ST3GAL2: variants seen among roughly 807,000 people sequenced by gnomAD.
ST3GAL2 encodes CMP-N-acetylneuraminate-beta-galactosamide-alpha-2,3-sialyltransferase 2.
In ST3GAL2, 16 loss-of-function variants were observed where a neutral mutation model predicts 37.5. The ratio of observed to expected loss-of-function variants is 0.43; its 90% confidence interval spans 0.29 to 0.65. The LOEUF (loss-of-function observed/expected upper bound fraction) is 0.65, where lower values mean the gene tolerates loss of function less well. Among genes scored for constraint, ST3GAL2 ranks in the 30% least tolerant of loss-of-function variants. The pLI is 0.17. For missense variants in ST3GAL2, 383 were observed against 487.8 expected (o/e 0.79, Z 2.02); for synonymous variants, 238 against 202.9 (o/e 1.17, Z -1.47).
At chr16:70,387,448 G>A (rs886673114) in intron 4 of ST3GAL2, among the ~76,000 whole-genome samples, 7 of 151,780 alleles carry the variant, frequency 4.6e-5, no homozygotes, top group Admixed American at 6.6e-5. Flanking sequence ...CCAGCTACTC[G>A]GGAGGCTGAG....
chr16:70,431,429 CCT>C (rs1597578194), intron 1 of ST3GAL2, among the ~76,000 whole-genome samples: 2 of 152,208 alleles, frequency 1.3e-5, no homozygotes, highest in Admixed American at 6.5e-5. Context: ...CTCAGGGTCC[CCT>C]CTCTGCCCCT....
At position 70,399,296 on chromosome 16, in the gene ST3GAL2, G is replaced by A. The variant is rs548061376; in HGVS notation, c.-766C>T. 8 of 398,830 alleles carry A rather than the reference G, an allele frequency of 2.0e-5. No individual in the cohort carries two copies. In the East Asian group the frequency reaches 2.5e-4, roughly 12 times the overall value. The allele number at this position is 398,830 out of a possible 1,614,324, so 24.7% of individuals were successfully genotyped here. ...TCGCAAAGCTCCTACTGTGGCTGTG[G>A]GGTCCTCTGGCGCTGGGAACAGCTG... On this transcript the variant is annotated 5_prime_UTR_variant, in exon 2 of 7. Transcript: ENST00000342907.
At chr16:70,389,396 G>A (rs759885738) in intron 3 of ST3GAL2, among the ~76,000 whole-genome samples, 6 of 148,914 alleles carry the variant, frequency 4.0e-5, no homozygotes, top group Non-Finnish European at 6.0e-5. Context: ...CCCCGCCTCC[G>A]CCTCCCAGGT....
chr16:70,426,160 A>G (rs575333183), intron 1 of ST3GAL2, among the ~76,000 whole-genome samples: 119 of 148,388 alleles, frequency 8.0e-4, no homozygotes, highest in Non-Finnish European at 1.4e-3. Flanking sequence ...TCATCTTGCA[A>G]TGCATTATGG....
At chr16:70,395,378 G>A (rs902761899) in intron 2 of ST3GAL2, among the ~76,000 whole-genome samples, 2 of 152,246 alleles carry the variant, frequency 1.3e-5, no homozygotes, top group African/African-American at 2.4e-5. Context: ...GTCCCCGGTT[G>A]TGAGTGAGTC....
intron 2 of ST3GAL2, among the ~76,000 whole-genome samples, chr16:70,396,753 C>G (rs1312782811): frequency 6.6e-6 from 1 of 152,134 alleles, no homozygotes; most frequent in East Asian, 1.9e-4. Flanking sequence ...GCTTGGGAGC[C>G]TGCAGGGACT....
intron 1 of ST3GAL2, among the ~76,000 whole-genome samples, chr16:70,417,419 T>C (rs1264360716): frequency 9.9e-5 from 15 of 152,034 alleles, no homozygotes; most frequent in Admixed American, 2.0e-4. Context: ...GGTTGATCCT[T>C]GCCCCTAGAC....
rs1032285002 is a variant in ST3GAL2, at chr16:70,398,971, C to T, written c.-441G>A. 5 of 414,352 alleles carry T rather than the reference C, an allele frequency of 1.2e-5. No individual in the cohort carries two copies. Among genetic ancestry groups the T allele is most frequent in the Non-Finnish European group, 2.1e-5 (5 of 234,776 alleles). 25.7% of individuals were successfully genotyped at this position (414,352 alleles called of 1,614,324 possible). A position where few individuals can be genotyped will look rare whatever the true frequency, so the allele number is the denominator to read the frequency against. On this transcript the variant is annotated 5_prime_UTR_variant, in exon 2 of 7. Coordinates refer to ENST00000342907, the MANE Select transcript of ST3GAL2 (RefSeq NM_006927.4). ...GGTTCATGAGCAGACAATGAGGCGG[C>T]CCCTCGTTCCCGGCAGCGGGGAAGC...
rs540658755 is a variant in ST3GAL2 at position 70,436,919 on chromosome 16, C to T, written c.-1004+2030G>A. ...TCCATTTCCCACCCCTCTCCCCAGG[C>T]CCTACCCCTCAGGTCTTCTTTTGCC... On this transcript the variant is annotated intron_variant, in intron 1 of 6. Transcript: ENST00000342907. Among the ~76,000 whole-genome samples, 6 of 152,270 alleles carry T rather than the reference C, an allele frequency of 3.9e-5. No homozygotes were observed. The East Asian group carries it at 9.7e-4, about 24-fold the overall frequency.
At chr16:70,407,851 A>T (rs769065097) in intron 1 of ST3GAL2, among the ~76,000 whole-genome samples, 7 of 152,166 alleles carry the variant, frequency 4.6e-5, no homozygotes, top group Non-Finnish European at 7.4e-5. Context: ...TAACCTAATG[A>T]AGCACAGGAT....
At position 70,398,497 on chromosome 16, in the gene ST3GAL2, C is replaced by G; in HGVS notation, c.34G>C (p.Val12Leu). Residue 12 changes from valine to leucine, a missense_variant, in exon 2 of 7, where the codon GTG becomes CTG. Coordinates refer to ENST00000342907, the MANE Select transcript of ST3GAL2 (RefSeq NM_006927.4). ...ATGATGAACACCAGCAGGAAGGCCA[C>G]GGAGAGGAACCACACCCGCAGGGAG... is the stretch of plus-strand genomic sequence containing the variant. The part of the protein sequence containing the change: ...KCSLRVWFLS[V>L]AFLLVFIMSL... 2 of 1,611,872 alleles carry G rather than the reference C, an allele frequency of 1.2e-6. No homozygotes were observed. Among genetic ancestry groups the G allele is most frequent in the Non-Finnish European group, 1.7e-6 (2 of 1,179,484 alleles).
At chr16:70,383,575 G>A (rs976121190) in intron 4 of ST3GAL2, among the ~76,000 whole-genome samples, 12 of 149,370 alleles carry the variant, frequency 8.0e-5, no homozygotes, top group African/African-American at 3.0e-4. Flanking sequence ...GAAAGGAAAG[G>A]AAAGGAGAGG....
chr16:70,433,777 T>C (rs188620653), intron 1 of ST3GAL2, among the ~76,000 whole-genome samples: 1 of 152,340 alleles, frequency 6.6e-6, no homozygotes. Flanking sequence ...TCCAAGGAAA[T>C]GCTTTCCTGC....
At chr16:70,390,887 C>T (rs2047477831) in intron 3 of ST3GAL2, among the ~76,000 whole-genome samples, 2 of 152,070 alleles carry the variant, frequency 1.3e-5, no homozygotes, top group South Asian at 4.1e-4. Context: ...TGACTGTTTA[C>T]AAGCACATTC....
intron 1 of ST3GAL2, among the ~76,000 whole-genome samples, chr16:70,436,207 C>G (rs1010957903): frequency 1.3e-5 from 2 of 152,066 alleles, no homozygotes; most frequent in African/African-American, 4.8e-5. Flanking sequence ...GCGGGCGGAT[C>G]ACCTGAGGTC....
chr16:70,418,082 G>A (rs1003914255), intron 1 of ST3GAL2, among the ~76,000 whole-genome samples: 5 of 152,116 alleles, frequency 3.3e-5, no homozygotes, highest in South Asian at 2.1e-4. Context: ...TTCTGTACTC[G>A]TCTGCATGTC....
intron 1 of ST3GAL2, among the ~76,000 whole-genome samples, chr16:70,402,752 C>T (rs978651885): frequency 2.0e-5 from 3 of 152,142 alleles, no homozygotes; most frequent in African/African-American, 7.2e-5. Context: ...TGGGTTCAAA[C>T]GATTCTCCTG....
intron 1 of ST3GAL2, chr16:70,400,194 C>T (rs563578936): frequency 9.2e-5 from 14 of 152,414 alleles, no homozygotes; most frequent in Admixed American, 3.3e-4. Flanking sequence ...TGCCAGCGTC[C>T]CTGGTAGCAC....
At chr16:70,430,544 G>C (rs2047782411) in intron 1 of ST3GAL2, among the ~76,000 whole-genome samples, 1 of 152,172 alleles carries the variant, frequency 6.6e-6, no homozygotes, top group African/African-American at 2.4e-5. Context: ...AGGGGAGCCT[G>C]AATGGGATCC....
Sources: gnomAD v4.1 joint callset for allele counts (sites outside exome capture counted in the v4.1 genomes callset) on GRCh38, gnomAD v4.1.1 for gene constraint, MANE v1.5 for transcripts, NCBI Gene and HGNC (gene_info 2026-07-23, HGNC 2026-07-21) for gene names.